Variants in PIWIL1 observed in about 807,000 individuals in gnomAD.
The protein encoded by PIWIL1 is piwi like RNA-mediated gene silencing 1.
In PIWIL1, 73 loss-of-function variants were observed where a neutral mutation model predicts 114.4. That is an observed-to-expected ratio of 0.64 (90% confidence interval 0.53 to 0.78). The LOEUF (loss-of-function observed/expected upper bound fraction) is 0.78. Among genes scored for constraint, PIWIL1 ranks in the 30% least tolerant of loss-of-function variants. The pLI, the probability that PIWIL1 is intolerant of heterozygous loss-of-function variation, is 0.00. For synonymous variants in PIWIL1, 375 were observed against 369.0 expected (o/e 1.02, Z -0.19); for missense variants, 723 against 1,063.1 (o/e 0.68, Z 4.45).
chr12:130,374,340 TA>T (rs1374963608), downstream of PIWIL1, among the ~76,000 whole-genome samples: 1 of 152,230 alleles, frequency 6.6e-6, no homozygotes, highest in African/African-American at 2.4e-5. Flanking sequence ...CATTTCTAAG[TA>T]AAAGCTTAAA....
intron 5 of PIWIL1, 96 bp downstream of exon 5, chr12:130,346,680 T>C: frequency 1.9e-6 from 2 of 1,030,248 alleles, no homozygotes; most frequent in Non-Finnish European, 2.9e-6. Context: ...GCCCCAGGAG[T>C]CTCCTGTCTG....
Position 130,361,189 on chromosome 12 carries a change from C to T in PIWIL1, c.1675C>T (p.Leu559=). 1 of 1,614,096 alleles carries T rather than the reference C, an allele frequency of 6.2e-7. No homozygotes were observed. Residue 559 remains leucine (L), a synonymous_variant, in exon 15 of 21, where the codon CTG becomes TTG. Coordinates refer to ENST00000245255, the MANE Select transcript of PIWIL1 (RefSeq NM_004764.5). ...GGCACTTTGTTTTCAGGTTGTCTGT[C>T]TGTTGTCAAGTAATCGGAAGGACAA... The part of the protein sequence containing the change: ...VTADTQIVVC[L]LSSNRKDKYD...
intron 11 of PIWIL1, 54 bp from the exon 12 acceptor site, chr12:130,355,499 G>A (rs976993503): frequency 2.3e-6 from 3 of 1,296,392 alleles, no homozygotes; most frequent in African/African-American, 2.9e-5. Flanking sequence ...GTTTGACTGT[G>A]TCTTCTTGCT....
the PIWIL1 span, among the ~76,000 whole-genome samples, chr12:130,395,196 G>C: frequency 2.6e-5 from 4 of 152,184 alleles, no homozygotes; most frequent in African/African-American, 9.7e-5. Context: ...AGACTAACCT[G>C]TGAAGACAGA....
At chr12:130,416,701 A>C in the PIWIL1 span, among the ~76,000 whole-genome samples, 1 of 152,234 alleles carries the variant, frequency 6.6e-6, no homozygotes, top group Non-Finnish European at 1.5e-5. Context: ...AACAATTGCC[A>C]CACAAACAAA....
At chr12:130,408,336 G>A in the PIWIL1 span, among the ~76,000 whole-genome samples, 3 of 152,218 alleles carry the variant, frequency 2.0e-5, no homozygotes, top group Non-Finnish European at 2.9e-5. Flanking sequence ...GGAGAAGCAC[G>A]AACATAAACA....
At chr12:130,408,841 C>T in the PIWIL1 span, among the ~76,000 whole-genome samples, 26 of 152,314 alleles carry the variant, frequency 1.7e-4, no homozygotes, top group African/African-American at 2.9e-4. Context: ...CTAAAGTCAG[C>T]GATGTGGCTT....
chr12:130,402,582 C>T, the PIWIL1 span, among the ~76,000 whole-genome samples: 6 of 152,276 alleles, frequency 3.9e-5, 1 homozygote, highest in East Asian at 9.7e-4. Context: ...TGACCTTTCC[C>T]TCCTCAGTCC....
chr12:130,402,585 C>G, the PIWIL1 span, among the ~76,000 whole-genome samples: 1 of 152,194 alleles, frequency 6.6e-6, no homozygotes, highest in Non-Finnish European at 1.5e-5. Flanking sequence ...CCTTTCCCTC[C>G]TCAGTCCCTC....
At chr12:130,422,415 C>T in the PIWIL1 span, 30 of 1,432,924 alleles carry the variant, frequency 2.1e-5, no homozygotes, top group Middle Eastern at 2.0e-4. This position sits in a 1 kb window ranked among gnomAD's most constrained non-coding sequence, Gnocchi z 5.2. Flanking sequence ...ACATGCTCCG[C>T]GGCTGAAAGA....
chr12:130,371,104 TTTTCA>T, intron 19 of PIWIL1, 67 bp from the exon 20 acceptor site: 3 of 1,293,916 alleles, frequency 2.3e-6, no homozygotes, highest in Non-Finnish European at 3.3e-6. Flanking sequence ...GGTACAGAGC[TTTTCA>T]CTGTAAGAAA....
At chr12:130,359,597 C>A (rs1294567244) in intron 14 of PIWIL1, among the ~76,000 whole-genome samples, 1 of 152,180 alleles carries the variant, frequency 6.6e-6, no homozygotes, top group African/African-American at 2.4e-5. Flanking sequence ...CTGATAAAAT[C>A]TCCAAGACAA....
chr12:130,388,408 A>G, the PIWIL1 span, among the ~76,000 whole-genome samples: 330 of 152,360 alleles, frequency 2.2e-3, 2 homozygotes, highest in African/African-American at 7.6e-3. Flanking sequence ...TTTAATTACT[A>G]TACTTACCTA....
the PIWIL1 span, among the ~76,000 whole-genome samples, chr12:130,413,918 A>T: frequency 6.6e-6 from 1 of 152,206 alleles, no homozygotes; most frequent in African/African-American, 2.4e-5. Context: ...GTTTGTGTGC[A>T]CACAAACCGG....
At chr12:130,349,073 TGAA>T (rs2073146984) in intron 7 of PIWIL1, among the ~76,000 whole-genome samples, 163 bp from the exon 8 acceptor site, 1 of 152,208 alleles carries the variant, frequency 6.6e-6, no homozygotes, top group African/African-American at 2.4e-5. Flanking sequence ...ATAATGTTGT[TGAA>T]GGTCTTAAAG....
chr12:130,402,778 G>A, the PIWIL1 span, among the ~76,000 whole-genome samples: 4 of 152,202 alleles, frequency 2.6e-5, no homozygotes, highest in Non-Finnish European at 5.9e-5. Flanking sequence ...ACATCCACTC[G>A]TGTTTGCACA....
At chr12:130,370,699 A>G (rs902404359) in intron 19 of PIWIL1, among the ~76,000 whole-genome samples, 8 of 152,156 alleles carry the variant, frequency 5.3e-5, no homozygotes, top group African/African-American at 1.4e-4. Context: ...AATGAATTCT[A>G]CTTTTGTTAA....
chr12:130,375,239 C>T (rs10848089), downstream of PIWIL1, among the ~76,000 whole-genome samples: 75,826 of 152,026 alleles, frequency 0.5, 20,498 homozygotes, highest in Middle Eastern at 0.64. Context: ...TGCCTACTTG[C>T]CTGTTCCTTT....
the PIWIL1 span, among the ~76,000 whole-genome samples, chr12:130,417,603 G>A: frequency 3.3e-5 from 5 of 152,280 alleles, no homozygotes; most frequent in African/African-American, 9.6e-5. Flanking sequence ...GGCAAGGGCC[G>A]AGAAACTCCT....
Sources: gnomAD v4.1 joint callset for allele counts (sites outside exome capture counted in the v4.1 genomes callset) on GRCh38, gnomAD v4.1.1 for gene constraint, Gnocchi (gnomAD v3.1) non-coding constraint, MANE v1.5 for transcripts, NCBI Gene and HGNC (gene_info 2026-07-23, HGNC 2026-07-21) for gene names.